Variants in C4orf50 observed in about 807,000 individuals in gnomAD.
C4orf50 encodes chromosome 4 open reading frame 50.
In C4orf50, 80 loss-of-function variants were observed where a neutral mutation model predicts 77.2. The observed-to-expected ratio is 1.04, with a 90% confidence interval of 0.87 to 1.25. The LOEUF is 1.25. Ranked by LOEUF, C4orf50 falls within the 50% of genes most tolerant of loss-of-function variation. The pLI is 0.00. For synonymous variants in C4orf50, 532 were observed against 465.3 expected (o/e 1.14, Z -1.84); for missense variants, 1,257 against 1,152.9 (o/e 1.09, Z -1.31).
At chr4:5,994,724 T>C (rs1182932029) in intron 25 of C4orf50, among the ~76,000 whole-genome samples, 1 of 152,164 alleles carries the variant, frequency 6.6e-6, no homozygotes, top group Admixed American at 6.5e-5. Flanking sequence ...AGGGCAGCGT[T>C]CAGTCCTCAG....
Position 5,951,905 on chromosome 4 carries a change from C to A in C4orf50, c.*2474+4996G>T, listed in dbSNP as rs183693236. On this transcript the variant is annotated intron_variant, in intron 7 of 7. Coordinates refer to the C4orf50 transcript ENST00000324058. ...GGGGAGCTGGGTTCCAATCCCTCTC[C>A]TCCTCTGCTCTTCCCTGAACCATTG... Among the ~76,000 whole-genome samples, 26 of 152,276 alleles carry A rather than the reference C, an allele frequency of 1.7e-4. 1 individual carries two copies. The highest frequency in any genetic ancestry group is 1.6e-3 in the Admixed American group (25 of 15,300).
intron 7 of C4orf50, among the ~76,000 whole-genome samples, chr4:5,920,558 C>T (rs914963333): frequency 6.7e-6 from 1 of 149,244 alleles, no homozygotes; most frequent in Admixed American, 6.8e-5. Flanking sequence ...CTCACTGCAA[C>T]CTTCATTTCC....
chr4:5,926,422 C>T (rs1437160816), intron 7 of C4orf50, among the ~76,000 whole-genome samples: 2 of 152,174 alleles, frequency 1.3e-5, no homozygotes, highest in East Asian at 3.9e-4. Context: ...CGCCGGATGT[C>T]AGTTACCCCA....
At chr4:5,941,054 A>C (rs1413325704) in intron 7 of C4orf50, among the ~76,000 whole-genome samples, 1 of 152,224 alleles carries the variant, frequency 6.6e-6, no homozygotes, top group Non-Finnish European at 1.5e-5. Context: ...TGTATACATG[A>C]ATATATAAAA....
intron 27 of C4orf50, 73 bp from the exon 6 acceptor site, chr4:5,990,897 T>A (rs762768899): frequency 2.5e-6 from 1 of 398,508 alleles, no homozygotes; most frequent in African/African-American, 2.1e-5. Flanking sequence ...TCCACTCACC[T>A]CCTGGGGTTC....
chr4:5,928,327 C>T (rs1485852387), intron 7 of C4orf50, among the ~76,000 whole-genome samples: 1 of 151,494 alleles, frequency 6.6e-6, no homozygotes, highest in Non-Finnish European at 1.5e-5. Flanking sequence ...CATGGGCTAG[C>T]TCTTGCTCTT....
chr4:5,898,835 G>C (rs557403924), intron 7 of C4orf50: 9 of 151,244 alleles, frequency 6.0e-5, no homozygotes, highest in African/African-American at 2.2e-4. Context: ...TGTTTTCAGA[G>C]ACAAAAAAAA....
chr4:5,989,831 C>A, exon 28 of C4orf50: 2 of 1,475,546 alleles, frequency 1.4e-6, no homozygotes, highest in South Asian at 1.3e-5. Context: ...CACCCCAGAC[C>A]GGATGCTTCT....
intron 28 of C4orf50, among the ~76,000 whole-genome samples, chr4:5,983,247 T>C (rs1408415339): frequency 6.6e-6 from 1 of 152,160 alleles, no homozygotes; most frequent in Non-Finnish European, 1.5e-5. Context: ...GTCACATCAT[T>C]CTGCTCAAAA....
At chr4:6,016,463 C>T (rs113982620) in intron 23 of C4orf50, among the ~76,000 whole-genome samples, 1,924 of 152,268 alleles carry the variant, frequency 0.013, 47 homozygotes, top group African/African-American at 0.044. Flanking sequence ...GCAGGAGAAT[C>T]GCTTAAACCC....
intron 28 of C4orf50, among the ~76,000 whole-genome samples, chr4:5,983,364 C>T (rs1006448163): frequency 6.6e-6 from 1 of 152,234 alleles, no homozygotes; most frequent in Admixed American, 6.5e-5. Context: ...CACACCACAC[C>T]CTTCCTTGCC....
Position 5,932,062 on chromosome 4 carries a change from C to A in C4orf50, c.*2474+24839G>T, listed in dbSNP as rs1717793250. Among the ~76,000 whole-genome samples the A allele has an allele frequency of 7.7e-6, 1 of 129,062 alleles. No homozygotes were observed. 84.7% of individuals were successfully genotyped at this position (129,062 alleles called of 152,430 possible). ...TTCCCAACGCCCCCCCGCCCCCCAC[C>A]CCTGCCAACTGTCTCTAATTTCCGT... On this transcript the variant is annotated intron_variant, in intron 7 of 7. Transcript: ENST00000324058. The surrounding 1 kb of genome is among the most constrained non-coding windows in gnomAD (Gnocchi z 4.2).
rs1037357967 is a variant in C4orf50 at position 5,932,665 on chromosome 4, C to G, written c.*2474+24236G>C. Among the ~76,000 whole-genome samples, 20 of 152,124 alleles carry G rather than the reference C, an allele frequency of 1.3e-4. No homozygotes were observed. The highest frequency in any genetic ancestry group is 2.4e-4 in the Non-Finnish European group (16 of 68,028). ...CTGCCTTGCTCAGGCTGGTCTTGAA[C>G]TCTTGGGCTCAGGCAATTCTCTTAC... On this transcript the variant is annotated intron_variant, in intron 7 of 7. Transcript: ENST00000324058. The surrounding 1 kb of genome is among the most constrained non-coding windows in gnomAD (Gnocchi z 4.2).
intron 28 of C4orf50, among the ~76,000 whole-genome samples, chr4:5,984,639 C>T (rs1284048275): frequency 1.3e-5 from 2 of 151,808 alleles, no homozygotes; most frequent in Non-Finnish European, 2.9e-5. Context: ...GATTAGTGAA[C>T]TAAAAGAGAG....
Position 6,015,965 on chromosome 4 carries a change from G to A in C4orf50, c.287+2180C>T, listed in dbSNP as rs535986242. ...ACATGTCGACATAGTCCCAGCCTGC[G>A]TGAGTGTGCGCGTGGGTGTGAGTGT... On this transcript the variant is annotated intron_variant, in intron 23 of 33. Coordinates refer to ENST00000531445, the Ensembl canonical transcript of C4orf50. This position sits in a 1 kb window ranked among gnomAD's most constrained non-coding sequence, Gnocchi z 4.4. Among the ~76,000 whole-genome samples, 20 of 152,288 alleles carry A rather than the reference G, an allele frequency of 1.3e-4. No individual in the cohort carries two copies. Among genetic ancestry groups the A allele is most frequent in the African/African-American group, 4.1e-4 (17 of 41,564 alleles).
intron 25 of C4orf50, among the ~76,000 whole-genome samples, chr4:6,004,204 TG>T (rs1722069017): frequency 1.9e-5 from 2 of 104,556 alleles, no homozygotes; most frequent in Admixed American, 9.0e-5. Context: ...ATGGTGATGG[TG>T]ATGATGGTGA....
exon 28 of C4orf50, chr4:5,988,817 C>G (rs1041572525): frequency 5.2e-6 from 8 of 1,536,084 alleles, no homozygotes; most frequent in Non-Finnish European, 7.0e-6. Flanking sequence ...TCTTCTATTC[C>G]TAGCACGATA....
chr4:6,008,448 C>G lies in C4orf50; in HGVS notation c.511G>C (p.Gly171Arg), dbSNP rs1288700811. ...CGCTCCAGGGCCGCCGCCTGCTGCC[C>G]CAGTGCCTCGTCCTTGCGCCGCAAC... The change falls in exon 25 of 34, where the codon GGG becomes CGG. Residue 171 changes from glycine (G) to arginine (R), a missense_variant. Transcript: ENST00000531445. The surrounding 1 kb of genome is among the most constrained non-coding windows in gnomAD (Gnocchi z 6.0). The G allele has an allele frequency of 5.0e-6, 2 of 397,172 alleles. No homozygotes were observed. Among genetic ancestry groups the G allele is most frequent in the African/African-American group, 4.1e-5 (2 of 48,518 alleles). 24.6% of individuals were successfully genotyped at this position (397,172 alleles called of 1,614,324 possible). A position where few individuals can be genotyped will look rare whatever the true frequency, so the allele number is the denominator to read the frequency against.
chr4:5,966,367 C>T lies in C4orf50; in HGVS notation c.4153+1047G>A, dbSNP rs554726029. Among the ~76,000 whole-genome samples, 330 of 151,980 alleles carry T rather than the reference C, an allele frequency of 2.2e-3. 1 individual carries two copies. Among genetic ancestry groups the T allele is most frequent in the African/African-American group, 6.2e-3 (257 of 41,446 alleles). On this transcript the variant is annotated intron_variant, in intron 32 of 33. Coordinates refer to ENST00000531445, the Ensembl canonical transcript of C4orf50. ...GTGGGCGCCTGCAATCTCAGCTACT[C>T]GGGAGGCTGAGGCAAGAGAATTGCT... is the stretch of plus-strand genomic sequence containing the variant.
Sources: allele counts gnomAD v4.1 joint callset (sites outside exome capture counted in the v4.1 genomes callset), GRCh38; gene constraint gnomAD v4.1.1; non-coding constraint Gnocchi (gnomAD v3.1); transcripts MANE v1.5; gene names NCBI Gene and HGNC (gene_info 2026-07-23, HGNC 2026-07-21).